Variants in PALD1 observed in about 807,000 individuals in gnomAD.
PALD1 encodes paladin.
In PALD1, 57 loss-of-function variants were observed where a neutral mutation model predicts 96.0. The observed-to-expected ratio is 0.59, with a 90% CI of 0.48 to 0.74. PALD1 has a LOEUF of 0.74. PALD1 is among the 30% of genes least tolerant of loss of function. The pLI is 0.00. For synonymous variants in PALD1, 464 were observed against 473.6 expected (o/e 0.98, Z 0.26); for missense variants, 1,063 against 1,143.7 (o/e 0.93, Z 1.02).
At chr10:70,508,101 C>A (rs1846429910) in intron 1 of PALD1, among the ~76,000 whole-genome samples, 1 of 152,162 alleles carries the variant, frequency 6.6e-6, no homozygotes, top group African/African-American at 2.4e-5. Flanking sequence ...GTGTGTGGCC[C>A]TCAAACTTCG....
chr10:70,496,494 A>C (rs1399095826), intron 1 of PALD1, among the ~76,000 whole-genome samples: 2 of 152,040 alleles, frequency 1.3e-5, no homozygotes, highest in Non-Finnish European at 2.9e-5. Flanking sequence ...CTATTCTTGA[A>C]CTTTGTACAA....
At chr10:70,462,188 G>T in the PALD1 span, among the ~76,000 whole-genome samples, 16 of 152,298 alleles carry the variant, frequency 1.1e-4, no homozygotes, top group Admixed American at 5.9e-4. Context: ...CCTTGCTTGC[G>T]CAGAGCTCAG....
chr10:70,522,761 T>C (rs1403343131), intron 1 of PALD1, among the ~76,000 whole-genome samples: 1 of 152,168 alleles, frequency 6.6e-6, no homozygotes, highest in African/African-American at 2.4e-5. Context: ...TGCTGACCCC[T>C]GTCCCTGGCA....
At chr10:70,464,265 G>A in the PALD1 span, among the ~76,000 whole-genome samples, 1 of 148,116 alleles carries the variant, frequency 6.8e-6, no homozygotes, top group African/African-American at 2.5e-5. Flanking sequence ...AGGCTGGAGT[G>A]CAGTGGCACA....
chr10:70,462,406 A>G, the PALD1 span, among the ~76,000 whole-genome samples: 1 of 152,248 alleles, frequency 6.6e-6, no homozygotes, highest in Non-Finnish European at 1.5e-5. Flanking sequence ...TTGTTGTGAG[A>G]CTTGAATGAG....
chr10:70,557,856 G>T (rs1419632420), intron 18 of PALD1, among the ~76,000 whole-genome samples: 1 of 152,030 alleles, frequency 6.6e-6, no homozygotes, highest in Non-Finnish European at 1.5e-5. Context: ...TAATGGCAGG[G>T]GGTGGCAGGG....
intron 1 of PALD1, among the ~76,000 whole-genome samples, chr10:70,503,360 G>A (rs927232910): frequency 6.6e-6 from 1 of 152,174 alleles, no homozygotes; most frequent in East Asian, 1.9e-4. Context: ...AATAGGCCGG[G>A]CACAATGGCT....
In PALD1 at chr10:70,541,143, C is replaced by T; in HGVS notation, c.1950C>T (p.Ser650=). ...TGGAGGCCCTGCGGGCCGCCCTCTCCAAGGACCCAGGCACTGGCTTCGTGT... is the reference window on the plus strand; with the variant it reads ...TGGAGGCCCTGCGGGCCGCCCTCTCTAAGGACCCAGGCACTGGCTTCGTGT... ...QLLEALRAAL[S]KDPGTGFVFS... Residue 650 remains serine, a synonymous_variant, in exon 16 of 20, where the codon TCC becomes TCT. Transcript: ENST00000263563. 6.2e-7 allele frequency: 1 copy of T among 1,613,812 alleles called. No homozygotes were observed. The highest frequency in any genetic ancestry group is 8.5e-7 in the Non-Finnish European group (1 of 1,179,824).
intron 7 of PALD1, among the ~76,000 whole-genome samples, chr10:70,533,705 C>T (rs1847045978): frequency 1.3e-5 from 2 of 152,262 alleles, no homozygotes; most frequent in South Asian, 4.1e-4. Context: ...GAGTCGCTCT[C>T]ACTTCCAGTT....
At chr10:70,562,962 C>T (rs1245874631) in intron 18 of PALD1, among the ~76,000 whole-genome samples, 3 of 152,174 alleles carry the variant, frequency 2.0e-5, no homozygotes, top group African/African-American at 7.2e-5. Flanking sequence ...TCCCATACAT[C>T]TTCTGTTAAC....
chr10:70,483,261 C>G (rs1010018858), intron 1 of PALD1, among the ~76,000 whole-genome samples: 1 of 152,120 alleles, frequency 6.6e-6, no homozygotes, highest in Non-Finnish European at 1.5e-5. Context: ...AGAGGTGTGA[C>G]AGCCCTTGTG....
chr10:70,543,547 GT>G (rs1032414892), intron 17 of PALD1, among the ~76,000 whole-genome samples: 5 of 151,902 alleles, frequency 3.3e-5, no homozygotes, highest in Admixed American at 2.6e-4. Flanking sequence ...TTTTGAGTTA[GT>G]TTTTTTTATA....
intron 18 of PALD1, among the ~76,000 whole-genome samples, chr10:70,548,183 T>G (rs887065388): frequency 1.3e-5 from 2 of 151,898 alleles, no homozygotes; most frequent in Admixed American, 6.6e-5. Context: ...CAGGCGCCTG[T>G]AGTCCCAGCT....
Position 70,566,578 on chromosome 10 carries a change from C to T in PALD1, c.2419-3C>T. 6.2e-7 allele frequency: 1 copy of T among 1,605,844 alleles called. No homozygotes were observed. Among genetic ancestry groups the T allele is most frequent in the Non-Finnish European group, 8.5e-7 (1 of 1,176,272 alleles). On this transcript the variant is annotated splice_region_variant and splice_polypyrimidine_tract_variant and intron_variant, in intron 19 of 19. Coordinates refer to ENST00000263563, the MANE Select transcript of PALD1 (RefSeq NM_014431.3). Reference sequence around the variant, plus strand: ...ACTGCTCCTGCCTCTGCTCTCCTCCCAGGTGGCATCGAAGGCTGGCATCTA... The same window carrying T: ...ACTGCTCCTGCCTCTGCTCTCCTCCTAGGTGGCATCGAAGGCTGGCATCTA...
intron 17 of PALD1, among the ~76,000 whole-genome samples, chr10:70,542,509 CTA>C (rs1210229012): frequency 1.3e-5 from 2 of 152,294 alleles, no homozygotes; most frequent in Admixed American, 6.5e-5. Context: ...TAGGAATCTT[CTA>C]TGAGTGGAAT....
At chr10:70,543,303 A>G (rs1335298328) in intron 17 of PALD1, among the ~76,000 whole-genome samples, 2 of 152,108 alleles carry the variant, frequency 1.3e-5, no homozygotes, top group South Asian at 4.1e-4. Context: ...AAGAGAGGTG[A>G]TATGTAAATA....
chr10:70,541,053 G>C (rs1847232501), intron 15 of PALD1, 49 bp from the exon 16 acceptor site: 1 of 1,535,136 alleles, frequency 6.5e-7, no homozygotes, highest in African/African-American at 1.4e-5. Flanking sequence ...GTTGGGGTTT[G>C]TGCATCCAAG....
the PALD1 span, among the ~76,000 whole-genome samples, chr10:70,471,943 C>T: frequency 6.6e-6 from 1 of 152,214 alleles, no homozygotes; most frequent in Non-Finnish European, 1.5e-5. Context: ...CTTCCCAAGG[C>T]ACTGCTTTGG....
At chr10:70,521,919 G>A (rs1427571476) in intron 1 of PALD1, among the ~76,000 whole-genome samples, 2 of 151,864 alleles carry the variant, frequency 1.3e-5, no homozygotes, top group African/African-American at 2.4e-5. Flanking sequence ...AAAATAGGTG[G>A]GGTTACAAAG....
Sources: gnomAD v4.1 joint callset for allele counts (sites outside exome capture counted in the v4.1 genomes callset) on GRCh38, gnomAD v4.1.1 for gene constraint, MANE v1.5 for transcripts, NCBI Gene and HGNC (gene_info 2026-07-23, HGNC 2026-07-21) for gene names.